Variants in NSUN6 observed in about 807,000 individuals in gnomAD.
NSUN6 encodes the protein NOP2/Sun RNA methyltransferase 6.
NSUN6 carries 64 observed loss-of-function variants against 58.0 expected under a neutral mutation model. The observed-to-expected ratio is 1.10, with a 90% CI of 0.90 to 1.36. The LOEUF (loss-of-function observed/expected upper bound fraction) is 1.36, where lower values mean the gene tolerates loss of function less well. NSUN6 is among the 40% of genes most tolerant of loss of function. NSUN6 has a pLI of 0.00. For missense variants in NSUN6, 701 were observed against 550.1 expected (o/e 1.27, Z -2.74); for synonymous variants, 231 against 193.9 (o/e 1.19, Z -1.59).
intron 3 of NSUN6, among the ~76,000 whole-genome samples, chr10:18,622,696 C>A (rs765917094): frequency 5.9e-5 from 9 of 152,102 alleles, no homozygotes; most frequent in Non-Finnish European, 1.2e-4. Context: ...GCAACAAGAG[C>A]AAGACTCCGC....
chr10:18,548,432 T>C (rs1267918274), intron 9 of NSUN6, among the ~76,000 whole-genome samples, 195 bp from the exon 10 acceptor site: 1 of 152,236 alleles, frequency 6.6e-6, no homozygotes, highest in East Asian at 1.9e-4. Flanking sequence ...TTTCATTATC[T>C]TGGAACTGTC....
intron 6 of NSUN6, among the ~76,000 whole-genome samples, chr10:18,601,691 A>G (rs1016920427): frequency 3.3e-5 from 5 of 152,104 alleles, no homozygotes; most frequent in African/African-American, 1.2e-4. Context: ...TTACTTATAA[A>G]AGGAAATAAG....
chr10:18,655,852 C>T (rs547168497), upstream of NSUN6, among the ~76,000 whole-genome samples: 1 of 152,250 alleles, frequency 6.6e-6, no homozygotes, highest in African/African-American at 2.4e-5. Context: ...GAGCATTTAT[C>T]AAATGTAGGA....
rs566496317 is a variant in NSUN6 at position 18,598,597 on chromosome 10, G to T, written c.658-2270C>A. Reference sequence around the variant, plus strand: ...ATCAATCCTCCCACCTCAGCCTCCCGAATGGCTGGGACTACAGGCACACAT... The same window carrying T: ...ATCAATCCTCCCACCTCAGCCTCCCTAATGGCTGGGACTACAGGCACACAT... On this transcript the variant is annotated intron_variant, in intron 6 of 10. Coordinates refer to ENST00000377304, the MANE Select transcript of NSUN6 (RefSeq NM_182543.5). Among the ~76,000 whole-genome samples the T allele has an allele frequency of 2.8e-3, 429 of 151,832 alleles. 2 individuals are homozygous for T. Among genetic ancestry groups the T allele is most frequent in the Non-Finnish European group, 5.3e-3 (362 of 67,878 alleles).
intron 2 of NSUN6, among the ~76,000 whole-genome samples, chr10:18,647,217 A>G (rs16917608): frequency 6.6e-6 from 1 of 152,166 alleles, no homozygotes; most frequent in Non-Finnish European, 1.5e-5. Context: ...TGACTCAGTG[A>G]TAATTTTCTG....
chr10:18,598,755 T>A (rs2057693502), intron 6 of NSUN6, among the ~76,000 whole-genome samples: 1 of 152,316 alleles, frequency 6.6e-6, no homozygotes, highest in Non-Finnish European at 1.5e-5. Flanking sequence ...AGTGAGCCAG[T>A]ATACCTGGCA....
intron 2 of NSUN6, among the ~76,000 whole-genome samples, chr10:18,646,702 G>A (rs1050556739): frequency 3.3e-5 from 5 of 152,090 alleles, no homozygotes; most frequent in Non-Finnish European, 5.9e-5. Flanking sequence ...AATGTAGCAG[G>A]CGTCTGTAGT....
chr10:18,587,816 T>C (rs1016795867), intron 7 of NSUN6, among the ~76,000 whole-genome samples: 1 of 151,782 alleles, frequency 6.6e-6, no homozygotes. Flanking sequence ...AGCCTACACA[T>C]GGGCCCTGGG....
At chr10:18,569,578 TCCATTCCATTCTCCACA>T (rs1015216337) in intron 8 of NSUN6, among the ~76,000 whole-genome samples, 1 of 150,672 alleles carries the variant, frequency 6.6e-6, no homozygotes, top group Non-Finnish European at 1.5e-5. Flanking sequence ...CATTCTATTG[TCCATTCCATTCTCCACA>T]CCATTCCATT....
intron 8 of NSUN6, among the ~76,000 whole-genome samples, chr10:18,576,260 A>G (rs1450074540): frequency 2.0e-5 from 3 of 152,126 alleles, no homozygotes; most frequent in African/African-American, 7.2e-5. Flanking sequence ...GCCTTCTTAT[A>G]CCCTATAAGG....
intron 8 of NSUN6, among the ~76,000 whole-genome samples, chr10:18,567,659 A>T (rs1319391347): frequency 1.5e-5 from 2 of 137,876 alleles, no homozygotes; most frequent in Admixed American, 7.4e-5. Context: ...TCCATTCCTC[A>T]TTGCATTCCA....
chr10:18,646,076 T>C (rs1222609980), intron 2 of NSUN6, among the ~76,000 whole-genome samples: 1 of 151,932 alleles, frequency 6.6e-6, no homozygotes, highest in African/African-American at 2.4e-5. Flanking sequence ...GTGCATATAA[T>C]CCCAGCTACT....
At position 18,609,853 on chromosome 10, in the gene NSUN6, A is replaced by C; in HGVS notation, c.649T>G (p.Phe217Val). The C allele has an allele frequency of 6.5e-7, 1 of 1,544,502 alleles. No homozygotes were observed. The highest frequency in any genetic ancestry group is 9.0e-7 in the Non-Finnish European group (1 of 1,117,008). The change falls in exon 6 of 11, where the codon TTT becomes GTT. Residue 217 changes from phenylalanine to valine, a missense_variant. Transcript: ENST00000377304. Reference sequence around the variant, plus strand: ...CTTTTATACATACTTACTTGTAAAAATAAGTAACGGGGCAGTACACTGTCA... The same window carrying C: ...CTTTTATACATACTTACTTGTAAAACTAAGTAACGGGGCAGTACACTGTCA... ...SFDSVLPRYL[F>V]LQNLPSALVS...
chr10:18,588,231 C>G (rs572617137), intron 7 of NSUN6, among the ~76,000 whole-genome samples: 1 of 152,208 alleles, frequency 6.6e-6, no homozygotes, highest in African/African-American at 2.4e-5. Flanking sequence ...CCTCACTGGG[C>G]AGGGCATCTC....
chr10:18,628,794 T>C (rs2058922493), intron 3 of NSUN6, among the ~76,000 whole-genome samples: 1 of 152,076 alleles, frequency 6.6e-6, no homozygotes, highest in Non-Finnish European at 1.5e-5. Flanking sequence ...TACCAGAAAG[T>C]GACGGGGAGA....
intron 8 of NSUN6, among the ~76,000 whole-genome samples, chr10:18,555,699 GGA>G (rs2054949907): frequency 4.8e-5 from 7 of 146,964 alleles, no homozygotes; most frequent in South Asian, 4.4e-4. Context: ...AATGGACAGT[GGA>G]ATGGAATGGA....
chr10:18,583,271 T>C (rs901976875), intron 8 of NSUN6, among the ~76,000 whole-genome samples: 6 of 152,140 alleles, frequency 3.9e-5, no homozygotes, highest in African/African-American at 1.4e-4. Flanking sequence ...AATTTGCCAT[T>C]ACCTACCCAA....
intron 4 of NSUN6, 95 bp downstream of exon 4, chr10:18,616,089 G>A (rs2058399372): frequency 2.7e-6 from 2 of 728,776 alleles, no homozygotes; most frequent in African/African-American, 1.8e-5. Flanking sequence ...AGAAAAATTT[G>A]GAATATATCT....
At chr10:18,617,156 T>C (rs12356280) in intron 3 of NSUN6, among the ~76,000 whole-genome samples, 7,154 of 150,202 alleles carry the variant, frequency 0.048, 261 homozygotes, top group Non-Finnish European at 0.076. Context: ...ACAAAAACAA[T>C]CCACAAATTC....
Sources: allele counts gnomAD v4.1 joint callset (sites outside exome capture counted in the v4.1 genomes callset), GRCh38; gene constraint gnomAD v4.1.1; transcripts MANE v1.5; gene names NCBI Gene and HGNC (gene_info 2026-07-23, HGNC 2026-07-21).